The following TPM4 variants were observed in gnomAD, a reference collection of about 807,000 sequenced individuals.
The protein encoded by TPM4 is tropomyosin 4.
Under a neutral mutation model 35.8 loss-of-function variants are expected in TPM4, and 17 were observed. That is an observed-to-expected ratio of 0.47 (90% CI 0.32 to 0.71). The LOEUF (loss-of-function observed/expected upper bound fraction) is 0.71. Ranked by LOEUF, TPM4 falls within the 30% of genes least tolerant of loss-of-function variation. The probability of loss-of-function intolerance (pLI) is 0.03; values close to 1 mark genes in which losing one functional copy is unlikely to be tolerated. For missense variants in TPM4, 240 were observed against 320.9 expected (o/e 0.75, Z 1.93); for synonymous variants, 120 against 122.9 (o/e 0.98, Z 0.15).
rs1014243160 is a variant in TPM4, at chr19:16,070,928, G to C, written c.114+3190G>C. The stretch of plus-strand genomic sequence containing the variant: ...AGCCATCATTTAGCCCTCACCATGA[G>C]GGACTTAGCCAGAGATTCGGAGAGA... On this transcript the variant is annotated intron_variant, in intron 2 of 2. Transcript: ENST00000589897. This position sits in a 1 kb window ranked among gnomAD's most constrained non-coding sequence, Gnocchi z 7.4. Among the ~76,000 whole-genome samples the C allele has an allele frequency of 1.4e-4, 22 of 152,192 alleles. No individual in the cohort carries two copies. The highest frequency in any genetic ancestry group is 1.2e-4 in the Non-Finnish European group (8 of 68,042).
At chr19:16,080,328 G>T in intron 1 of TPM4, 1 of 208,090 alleles carries the variant, frequency 4.8e-6, no homozygotes, top group Non-Finnish European at 9.8e-6. Context: ...GATGTGTGAG[G>T]ATGAAATTGC....
chr19:16,069,237 G>A (rs1322102784), intron 2 of TPM4, among the ~76,000 whole-genome samples: 1 of 152,150 alleles, frequency 6.6e-6, no homozygotes, highest in Non-Finnish European at 1.5e-5. Context: ...GTTTAGATGA[G>A]TGTGTGTTTC....
At position 16,081,973 on chromosome 19, in the gene TPM4, A is replaced by G; in HGVS notation, c.193A>G (p.Arg65Gly). 1 of 1,611,296 alleles carries G rather than the reference A, an allele frequency of 6.2e-7. No homozygotes were observed. Among genetic ancestry groups the G allele is most frequent in the South Asian group, 1.1e-5 (1 of 90,976 alleles). ...RIQLVEEELDRAQERLATALQ... is the reference protein window; with the variant it reads ...RIQLVEEELDGAQERLATALQ... The stretch of plus-strand genomic sequence containing the variant: ...CCAGCTCGTTGAGGAGGAGTTGGAC[A>G]GGGCTCAGGAACGACTGGCCACGGC... The change falls in exon 2 of 8, where the codon AGG (arginine) becomes GGG (glycine). Residue 65 changes from arginine (R) to glycine (G), a missense_variant. By Grantham distance (125) the Arg-to-Gly change is moderately radical (BLOSUM62 -2). Transcript: ENST00000643579.
chr19:16,090,273 A>G (rs1260969107), intron 5 of TPM4, among the ~76,000 whole-genome samples: 1 of 142,286 alleles, frequency 7.0e-6, no homozygotes, highest in Non-Finnish European at 1.5e-5. Flanking sequence ...ATGTGCCACT[A>G]CTCCAAAACT....
chr19:16,083,342 G>A (rs1046020585), intron 2 of TPM4, among the ~76,000 whole-genome samples: 3 of 152,064 alleles, frequency 2.0e-5, no homozygotes, highest in Non-Finnish European at 4.4e-5. Flanking sequence ...TACTCAGGAG[G>A]CTAAGGCAAG....
At position 16,096,266 on chromosome 19, in the gene TPM4, A is replaced by G. The variant is rs148154323; in HGVS notation, c.664+2513A>G. 2.8e-3 allele frequency among the ~76,000 whole-genome samples: 431 copies of G among 152,124 alleles called. 1 individual carries two copies. Among genetic ancestry groups the G allele is most frequent in the Middle Eastern group, 0.01 (3 of 294 alleles). On this transcript the variant is annotated intron_variant, in intron 7 of 7. Transcript: ENST00000643579. ...TTTGTAGAAGCGGGAGGGTTTCACT[A>G]TGTTGCCCAGGCTGGTCTTGAACTG...
At chr19:16,087,767 G>A (rs1313636289) in intron 3 of TPM4, among the ~76,000 whole-genome samples, 1 of 152,088 alleles carries the variant, frequency 6.6e-6, no homozygotes, top group Non-Finnish European at 1.5e-5. Context: ...TGTAGTCCCA[G>A]CTACTTGGAA....
intron 5 of TPM4, among the ~76,000 whole-genome samples, chr19:16,091,545 C>T (rs148814942): frequency 3.9e-5 from 6 of 152,222 alleles, no homozygotes; most frequent in Middle Eastern, 3.4e-3. Context: ...GAAGCCGAGG[C>T]GGGAGGATCG....
chr19:16,084,244 A>G (rs530218695), intron 2 of TPM4, among the ~76,000 whole-genome samples: 1 of 152,218 alleles, frequency 6.6e-6, no homozygotes, highest in Non-Finnish European at 1.5e-5. Context: ...TGCTGTGACC[A>G]CTAACCAGAG....
At chr19:16,082,124 G>A in intron 2 of TPM4, 78 bp downstream of exon 2, 2 of 1,507,814 alleles carry the variant, frequency 1.3e-6, no homozygotes, top group South Asian at 2.5e-5. Flanking sequence ...TCGCAGAGCT[G>A]GTGTGAAAGT....
chr19:16,101,010 A>C (rs2090757925), intron 7 of TPM4: 1 of 306,914 alleles, frequency 3.3e-6, no homozygotes, highest in African/African-American at 2.2e-5. Flanking sequence ...TCTCTACTAA[A>C]AATACAAAAA....
chr19:16,083,462 C>T (rs972382093), intron 2 of TPM4, among the ~76,000 whole-genome samples: 6 of 152,138 alleles, frequency 3.9e-5, no homozygotes, highest in Non-Finnish European at 7.4e-5. Context: ...AAACTGACCA[C>T]GTTCCTCACC....
chr19:16,070,472 AGCCCCACCCAG>A lies in TPM4; in HGVS notation c.114+2738_114+2748del, dbSNP rs750060432. On this transcript the variant is annotated intron_variant, in intron 2 of 2. Transcript: ENST00000589897. This position sits in a 1 kb window ranked among gnomAD's most constrained non-coding sequence, Gnocchi z 7.4. ...CCTAGGACCATGGCACCGAGTGCCC[AGCCCCACCCAG>A]GCCAGGAGCCAGGCCAGCCCGGCAG... Among the ~76,000 whole-genome samples the A allele has an allele frequency of 1.4e-4, 21 of 152,314 alleles. No individual in the cohort carries two copies. Among genetic ancestry groups the A allele is most frequent in the Middle Eastern group, 3.4e-3 (1 of 294 alleles).
At position 16,101,836 on chromosome 19, in the gene TPM4, TG is replaced by T. The variant is rs561823912; in HGVS notation, c.*495del. 2.4e-3 allele frequency: 549 copies of T among 228,750 alleles called. No homozygotes were observed. Among genetic ancestry groups the T allele is most frequent in the African/African-American group, 0.012 (529 of 45,094 alleles). 14.2% of individuals were successfully genotyped at this position (228,750 alleles called of 1,614,324 possible). A position where few individuals can be genotyped will look rare whatever the true frequency, so the allele number is the denominator to read the frequency against. On this transcript the variant is annotated 3_prime_UTR_variant, in exon 8 of 8. Transcript: ENST00000643579. ...CATCCAGAGCCAATAAAAGGACTGG[TG>T]GGGGCCGGGGGTGGCTATTGTGGGA...
chr19:16,075,674 C>T (rs192369843), upstream of TPM4: 108 of 185,454 alleles, frequency 5.8e-4, no homozygotes, highest in Middle Eastern at 5.0e-3. Context: ...GAGGGATCCA[C>T]GCGCAGAGAA....
chr19:16,080,540 G>A (rs1263487064), intron 1 of TPM4: 1 of 191,228 alleles, frequency 5.2e-6, no homozygotes, highest in Non-Finnish European at 1.1e-5. Context: ...GTCGGGCGCA[G>A]TGGCTCACGC....
In TPM4 at chr19:16,067,750, T is replaced by C. The variant is rs1183340954; in HGVS notation, c.114+12T>C. On this transcript the variant is annotated intron_variant, in intron 2 of 2. Coordinates refer to the TPM4 transcript ENST00000589897. This position sits in a 1 kb window ranked among gnomAD's most constrained non-coding sequence, Gnocchi z 4.1. ...ACAAGTGCAAGCAGGTGAGGTGCCC[T>C]CCGCTGGGCCGCTCCGGGCTGCTGG... 1 of 1,609,032 alleles carries C rather than the reference T, an allele frequency of 6.2e-7. No homozygotes were observed. Among genetic ancestry groups the C allele is most frequent in the East Asian group, 2.2e-5 (1 of 44,474 alleles).
At chr19:16,087,748 G>A (rs555812614) in intron 3 of TPM4, among the ~76,000 whole-genome samples, 1 of 152,154 alleles carries the variant, frequency 6.6e-6, no homozygotes, top group East Asian at 1.9e-4. Context: ...GGGCGTGGTG[G>A]CACGCGCCTG....
At chr19:16,084,596 C>A (rs575927439) in intron 2 of TPM4, among the ~76,000 whole-genome samples, 34 of 152,316 alleles carry the variant, frequency 2.2e-4, no homozygotes, top group African/African-American at 8.2e-4. Flanking sequence ...TTTGGTGACA[C>A]CCCTGTTAAA....
Sources: gnomAD v4.1 joint callset for allele counts (sites outside exome capture counted in the v4.1 genomes callset) on GRCh38, gnomAD v4.1.1 for gene constraint, Gnocchi (gnomAD v3.1) non-coding constraint, MANE v1.5 for transcripts, NCBI Gene and HGNC (gene_info 2026-07-23, HGNC 2026-07-21) for gene names.